The following CLCN3 variants were observed in gnomAD, a reference collection of about 807,000 sequenced individuals.
CLCN3 encodes Cl-/H+ antiporter 3.
Under a neutral mutation model 83.4 loss-of-function variants are expected in CLCN3, and 16 were observed. The ratio of observed to expected loss-of-function variants is 0.19; its 90% CI spans 0.13 to 0.29. The LOEUF (loss-of-function observed/expected upper bound fraction) is 0.29, where lower values mean the gene tolerates loss of function less well. CLCN3 is among the 10% of genes least tolerant of loss of function. The probability of loss-of-function intolerance (pLI) is 1.00; values close to 1 mark genes in which losing one functional copy is unlikely to be tolerated. For missense variants in CLCN3, 544 were observed against 1,006.0 expected (o/e 0.54, Z 6.21); for synonymous variants, 322 against 346.2 (o/e 0.93, Z 0.78).
chr4:169,692,247 T>G lies in CLCN3; in HGVS notation c.863T>G (p.Val288Gly). 1 of 1,613,730 alleles carries G rather than the reference T, an allele frequency of 6.2e-7. No homozygotes were observed. The highest frequency in any genetic ancestry group is 8.5e-7 in the Non-Finnish European group (1 of 1,179,662). Residue 288 changes from valine to glycine, a missense_variant, in exon 7 of 13, where the codon GTT (valine) becomes GGT (glycine). Val to Gly is a moderately radical substitution (Grantham distance 109). Around this residue, in one of 6 missense-constraint regions of CLCN3, gnomAD observed 194 missense variants for 341.4 expected, o/e 0.57. Transcript: ENST00000513761. ...SLGKEGPLVH[V>G]ACCCGNIFSY... ...GGAAAAGAAGGTCCCCTGGTACATG[T>G]TGCCTGTTGCTGCGGAAATATCTTT...
At chr4:169,693,364 G>A (rs957960497) in intron 7 of CLCN3, among the ~76,000 whole-genome samples, 4 of 152,082 alleles carry the variant, frequency 2.6e-5, no homozygotes, top group Non-Finnish European at 5.9e-5. Flanking sequence ...ATTACTTTCT[G>A]TGTATCTGGT....
At chr4:169,704,846 T>C (rs1732929267) in intron 10 of CLCN3, among the ~76,000 whole-genome samples, 1 of 152,204 alleles carries the variant, frequency 6.6e-6, no homozygotes, top group South Asian at 2.1e-4. Flanking sequence ...ACCAGTTTTG[T>C]TTAGTGAATA....
At chr4:169,624,612 T>C (rs1773186476) in intron 1 of CLCN3, among the ~76,000 whole-genome samples, 1 of 152,126 alleles carries the variant, frequency 6.6e-6, no homozygotes, top group African/African-American at 2.4e-5. Context: ...GCATCCCTCT[T>C]GAGGAAAATG....
At chr4:169,703,961 G>C in intron 9 of CLCN3, 37 bp from the exon 10 acceptor site, 1 of 1,586,080 alleles carries the variant, frequency 6.3e-7, no homozygotes, top group Non-Finnish European at 8.7e-7. Flanking sequence ...GTGAGTAGAG[G>C]ATCTCTGCTC....
intron 1 of CLCN3, among the ~76,000 whole-genome samples, chr4:169,629,271 A>G (rs1225075794): frequency 7.5e-6 from 1 of 133,288 alleles, no homozygotes; most frequent in Non-Finnish European, 1.7e-5. Context: ...GGTAAAAGAT[A>G]TACAGGATTT....
chr4:169,706,242 C>T (rs907816623), intron 10 of CLCN3, among the ~76,000 whole-genome samples: 1 of 151,898 alleles, frequency 6.6e-6, no homozygotes, highest in Non-Finnish European at 1.5e-5. Flanking sequence ...ACTGTATTGC[C>T]CAGGCTGGTC....
intron 2 of CLCN3, among the ~76,000 whole-genome samples, chr4:169,637,169 T>C (rs1231586150): frequency 6.6e-6 from 1 of 152,226 alleles, no homozygotes; most frequent in East Asian, 1.9e-4. Flanking sequence ...GATTGCCTCT[T>C]TTAAAGCACC....
rs569697132 is a variant in CLCN3 at position 169,694,792 on chromosome 4, C to T, written c.937-820C>T. Among the ~76,000 whole-genome samples, 44 of 152,068 alleles carry T rather than the reference C, an allele frequency of 2.9e-4. No individual in the cohort carries two copies. The Middle Eastern group carries it at 0.01, about 35-fold the overall frequency. On this transcript the variant is annotated intron_variant, in intron 7 of 12. Transcript: ENST00000513761. ...AGGTGGAGGTTGCAGTGAGCTGAGA[C>T]GACGCCATTGCACTCCAGCCTGAGA...
chr4:169,656,063 T>C (rs1022245843), intron 2 of CLCN3, among the ~76,000 whole-genome samples: 2 of 152,066 alleles, frequency 1.3e-5, no homozygotes, highest in Non-Finnish European at 2.9e-5. Context: ...AGCTTTGCTG[T>C]ATCTTTTTTT....
rs199772997 is a variant in CLCN3 at position 169,707,074 on chromosome 4, C to A, written c.1957C>A (p.Leu653Met). The change falls in exon 11 of 13, where the codon CTG becomes ATG. Residue 653 changes from leucine to methionine, a missense_variant. By Grantham distance (15) the Leu-to-Met change is conservative (BLOSUM62 2). Around this residue, in one of 6 missense-constraint regions of CLCN3, gnomAD observed 142 missense variants for 225.0 expected, o/e 0.63. Transcript: ENST00000513761. ...AAAAGAAGAATTCACTCATACCACC[C>A]TGGCTGCTGACGTTATGAGACCTCG... Reference protein sequence around the residue: ...DAKEEFTHTTLAADVMRPRRN... With the variant: ...DAKEEFTHTTMAADVMRPRRN... The A allele has an allele frequency of 2.0e-4, 322 of 1,613,980 alleles. No individual in the cohort carries two copies. Among genetic ancestry groups the A allele is most frequent in the Non-Finnish European group, 2.3e-4 (271 of 1,180,008 alleles).
intron 1 of CLCN3, among the ~76,000 whole-genome samples, chr4:169,635,652 A>C (rs1773482903): frequency 6.6e-6 from 1 of 152,138 alleles, no homozygotes; most frequent in African/African-American, 2.4e-5. Flanking sequence ...ATACACAAGC[A>C]AAAATGTAAA....
chr4:169,646,135 GTTTAT>G (rs1418569298), intron 2 of CLCN3, among the ~76,000 whole-genome samples: 2 of 152,074 alleles, frequency 1.3e-5, no homozygotes, highest in Admixed American at 6.6e-5. Flanking sequence ...CATATATACT[GTTTAT>G]TTTATCCTTC....
chr4:169,698,096 T>A (rs1410760083), intron 9 of CLCN3, among the ~76,000 whole-genome samples: 3 of 152,192 alleles, frequency 2.0e-5, no homozygotes. Flanking sequence ...GTTTCCTTTT[T>A]AAAAAACTGT....
intron 1 of CLCN3, among the ~76,000 whole-genome samples, chr4:169,628,528 T>C (rs1276465445): frequency 1.3e-5 from 2 of 152,134 alleles, no homozygotes; most frequent in African/African-American, 4.8e-5. Flanking sequence ...ATTACACATA[T>C]AGCAAATGAG....
chr4:169,676,788 G>C (rs1369750476), intron 2 of CLCN3, among the ~76,000 whole-genome samples: 1 of 151,404 alleles, frequency 6.6e-6, no homozygotes, highest in Non-Finnish European at 1.5e-5. Flanking sequence ...GTGAGCCACT[G>C]CACCTGGCCC....
chr4:169,670,599 C>T (rs1235019263), intron 2 of CLCN3, among the ~76,000 whole-genome samples: 1 of 152,132 alleles, frequency 6.6e-6, no homozygotes, highest in Non-Finnish European at 1.5e-5. Flanking sequence ...GCCATACGGG[C>T]TCTTTTTTGG....
rs1472482647 is a variant in CLCN3, at chr4:169,695,699, G to A, written c.1017+7G>A. On this transcript the variant is annotated splice_region_variant and intron_variant, in intron 8 of 12. Coordinates refer to ENST00000513761, the MANE Select transcript of CLCN3 (RefSeq NM_001829.4). The stretch of plus-strand genomic sequence containing the variant: ...TCTTTTTAGCCTGGAAGAGGTAGGT[G>A]AAAAGAATACAACAATTAAAATTAT... The A allele has an allele frequency of 6.3e-7, 1 of 1,583,324 alleles. No individual in the cohort carries two copies. Among genetic ancestry groups the A allele is most frequent in the Admixed American group, 1.7e-5 (1 of 59,472 alleles).
chr4:169,690,842 A>G (rs1281384839), intron 6 of CLCN3, among the ~76,000 whole-genome samples, 190 bp downstream of exon 6: 1 of 152,084 alleles, frequency 6.6e-6, no homozygotes, highest in African/African-American at 2.4e-5. Flanking sequence ...TCATTTGGTC[A>G]TTTACTGTGA....
At chr4:169,691,887 G>A (rs1732388088) in intron 6 of CLCN3, among the ~76,000 whole-genome samples, 1 of 152,032 alleles carries the variant, frequency 6.6e-6, no homozygotes, top group African/African-American at 2.4e-5. Context: ...TTGTTCCTGA[G>A]ATAGTGTTGC....
Sources: allele counts gnomAD v4.1 joint callset (sites outside exome capture counted in the v4.1 genomes callset), GRCh38; gene constraint gnomAD v4.1.1; regional missense constraint gnomAD v4.1.1; transcripts MANE v1.5; gene names NCBI Gene and HGNC (gene_info 2026-07-23, HGNC 2026-07-21).